Variants in ATP1B2 observed in about 807,000 individuals in gnomAD.
ATP1B2 encodes the protein ATPase Na+/K+ transporting subunit beta 2, also known as sodium/potassium-transporting ATPase subunit beta-2.
A neutral mutation model predicts 37.3 loss-of-function variants in ATP1B2; 12 were observed. That is an observed-to-expected ratio of 0.32 (90% CI 0.21 to 0.52). ATP1B2 has a LOEUF of 0.52. ATP1B2 is among the 20% of genes least tolerant of loss of function. The pLI is 0.96. For missense variants in ATP1B2, 324 were observed against 391.6 expected (o/e 0.83, Z 1.46); for synonymous variants, 139 against 140.5 (o/e 0.99, Z 0.07).
chr17:7,646,796 C>T (rs2150975782), upstream of ATP1B2: 1 of 152,292 alleles, frequency 6.6e-6, no homozygotes, highest in Non-Finnish European at 1.5e-5. Context: ...CTGCAAGGAA[C>T]CTCAACAACA....
Position 7,654,270 on chromosome 17 carries a change from T to G in ATP1B2, c.552+13T>G. 6.2e-7 allele frequency: 1 copy of G among 1,613,482 alleles called. No individual in the cohort carries two copies. Among genetic ancestry groups the G allele is most frequent in the Non-Finnish European group, 8.5e-7 (1 of 1,179,670 alleles). On this transcript the variant is annotated intron_variant, in intron 4 of 6. Coordinates refer to ENST00000250111, the MANE Select transcript of ATP1B2 (RefSeq NM_001678.5). This position sits in a 1 kb window ranked among gnomAD's most constrained non-coding sequence, Gnocchi z 4.9. ...CAAGATGAACCGGGTATCTATGACC[T>G]TGGTCCCCAGGGTGAATGGAGGAAG...
chr17:7,651,643 G>A lies in ATP1B2; in HGVS notation c.112+13G>A, dbSNP rs756807689. The A allele has an allele frequency of 1.9e-6, 3 of 1,579,278 alleles. No homozygotes were observed. The highest frequency in any genetic ancestry group is 2.6e-6 in the Non-Finnish European group (3 of 1,164,102). On this transcript the variant is annotated intron_variant, in intron 1 of 6. Coordinates refer to ENST00000250111, the MANE Select transcript of ATP1B2 (RefSeq NM_001678.5). Reference sequence around the variant, plus strand: ...GGGACCAGCTGGGGTACGCAGGGCCGGCACGCAAGGGGCGGGGGAAAGCCG... The same window carrying A: ...GGGACCAGCTGGGGTACGCAGGGCCAGCACGCAAGGGGCGGGGGAAAGCCG...
In ATP1B2 at chr17:7,654,264, A is replaced by G; in HGVS notation, c.552+7A>G. The G allele has an allele frequency of 6.2e-7, 1 of 1,613,794 alleles. No homozygotes were observed. Among genetic ancestry groups the G allele is most frequent in the Non-Finnish European group, 8.5e-7 (1 of 1,179,838 alleles). ...CTTCATCAAGATGAACCGGGTATCT[A>G]TGACCTTGGTCCCCAGGGTGAATGG... On this transcript the variant is annotated splice_region_variant and intron_variant, in intron 4 of 6. Transcript: ENST00000250111. The surrounding 1 kb of genome is among the most constrained non-coding windows in gnomAD (Gnocchi z 4.9).
upstream of ATP1B2, among the ~76,000 whole-genome samples, chr17:7,647,085 A>G (rs2072579683): frequency 1.4e-5 from 2 of 138,556 alleles, no homozygotes; most frequent in Admixed American, 1.5e-4. Flanking sequence ...AGGTGACAGA[A>G]TAAGAGACTA....
At position 7,653,896 on chromosome 17, in the gene ATP1B2, C is replaced by T. The variant is rs774891247; in HGVS notation, c.297C>T (p.Asp99=). The T allele has an allele frequency of 5.6e-6, 9 of 1,614,030 alleles. No homozygotes were observed. The East Asian group carries it at 2.0e-4, about 36-fold the overall frequency. ...ENLDVIVNVS[D]TESWDQHVQK... Reference sequence around the variant, plus strand: ...TTGATGTCATTGTCAATGTCAGTGACACTGAAAGCTGGGACCAGCATGTTC... The same window carrying T: ...TTGATGTCATTGTCAATGTCAGTGATACTGAAAGCTGGGACCAGCATGTTC... Residue 99 remains aspartate (D), a synonymous_variant, in exon 3 of 7, where the codon GAC becomes GAT. Coordinates refer to ENST00000250111, the MANE Select transcript of ATP1B2 (RefSeq NM_001678.5).
At chr17:7,648,315 C>T (rs1274510436), upstream of ATP1B2, among the ~76,000 whole-genome samples, 1 of 151,952 alleles carries the variant, frequency 6.6e-6, no homozygotes, top group African/African-American at 2.4e-5. Flanking sequence ...CGGTTGTTCA[C>T]ACCTGTAATC....
At position 7,651,262 on chromosome 17, in the gene ATP1B2, C is replaced by A; in HGVS notation, c.-257C>A. On this transcript the variant is annotated 5_prime_UTR_variant, in exon 1 of 7. Coordinates refer to ENST00000250111, the MANE Select transcript of ATP1B2 (RefSeq NM_001678.5). ...CATACCCCTTCCTCTTGTTATTCTC[C>A]CCTGCTCTGACAGCACCCCTTTTCA... The A allele has an allele frequency of 2.0e-6, 1 of 502,698 alleles. No individual in the cohort carries two copies. The highest frequency in any genetic ancestry group is 3.6e-6 in the Non-Finnish European group (1 of 276,300). 31.1% of individuals were successfully genotyped at this position (502,698 alleles called of 1,614,324 possible).
At chr17:7,649,211 C>T (rs1051297244), upstream of ATP1B2, among the ~76,000 whole-genome samples, 76 of 152,000 alleles carry the variant, frequency 5.0e-4, no homozygotes, top group African/African-American at 1.8e-3. Flanking sequence ...CACCACCGCA[C>T]CCGGCTAATT....
At chr17:7,648,461 C>T (rs998616848), upstream of ATP1B2, among the ~76,000 whole-genome samples, 16 of 147,414 alleles carry the variant, frequency 1.1e-4, no homozygotes, top group Non-Finnish European at 1.9e-4. Flanking sequence ...CCCAGCTACC[C>T]GGGAGACTGA....
In ATP1B2 at chr17:7,654,016, A is replaced by G; in HGVS notation, c.347-36A>G. On this transcript the variant is annotated intron_variant, in intron 3 of 6. Coordinates refer to ENST00000250111, the MANE Select transcript of ATP1B2 (RefSeq NM_001678.5). This position sits in a 1 kb window ranked among gnomAD's most constrained non-coding sequence, Gnocchi z 4.9. ...GGACTGGGGACCTTGGAAGTGGAAC[A>G]TCTGGCCCCTGAGTCTCTCCCTCCC... 2 of 1,610,008 alleles carry G rather than the reference A, an allele frequency of 1.2e-6. No individual in the cohort carries two copies. The highest frequency in any genetic ancestry group is 1.7e-6 in the Non-Finnish European group (2 of 1,176,678).
rs769324953 is a variant in ATP1B2, at chr17:7,655,952, C to G, written c.*57C>G. The G allele has an allele frequency of 4.9e-5, 78 of 1,593,926 alleles. No individual in the cohort carries two copies. The highest frequency in any genetic ancestry group is 6.3e-5 in the Non-Finnish European group (73 of 1,167,140). Reference sequence around the variant, plus strand: ...TGGATGCTCCTGGAATGTCCCTGACCCTGCCTGATCCCTCCCTCACCCACC... The same window carrying G: ...TGGATGCTCCTGGAATGTCCCTGACGCTGCCTGATCCCTCCCTCACCCACC... On this transcript the variant is annotated 3_prime_UTR_variant, in exon 7 of 7. Transcript: ENST00000250111. This position sits in a 1 kb window ranked among gnomAD's most constrained non-coding sequence, Gnocchi z 4.4.
chr17:7,650,082 C>A (rs958451594), upstream of ATP1B2, among the ~76,000 whole-genome samples: 3 of 152,170 alleles, frequency 2.0e-5, no homozygotes, highest in Non-Finnish European at 4.4e-5. Flanking sequence ...TTCAGTGTAA[C>A]CTCTCTGGCC....
chr17:7,649,545 G>A (rs2072596161), upstream of ATP1B2, among the ~76,000 whole-genome samples: 1 of 149,604 alleles, frequency 6.7e-6, no homozygotes, highest in Non-Finnish European at 1.5e-5. Context: ...CCACCACCAT[G>A]CCCAGCTAAT....
At chr17:7,646,895 T>C (rs2072578913), upstream of ATP1B2, among the ~76,000 whole-genome samples, 1 of 152,020 alleles carries the variant, frequency 6.6e-6, no homozygotes, top group South Asian at 2.1e-4. Flanking sequence ...CTTGGCAATA[T>C]GGCGAGACCC....
intron 1 of ATP1B2, among the ~76,000 whole-genome samples, 187 bp downstream of exon 1, chr17:7,651,817 AG>A (rs1377390638): frequency 6.6e-6 from 1 of 151,862 alleles, no homozygotes; most frequent in Admixed American, 6.6e-5. Flanking sequence ...GCGGAGGCGG[AG>A]AAAGTAGGTC....
rs372597402 is a variant in ATP1B2, at chr17:7,653,397, G to A, written c.136G>A (p.Val46Ile). The change falls in exon 2 of 7, where the codon GTT becomes ATT. Residue 46 changes from valine (V) to isoleucine (I), a missense_variant. Coordinates refer to ENST00000250111, the MANE Select transcript of ATP1B2 (RefSeq NM_001678.5). Reference protein sequence around the residue: ...SWAFILLFYLVFYGFLTAMFT... With the variant: ...SWAFILLFYLIFYGFLTAMFT... ...AGCCTTTATCCTCCTCTTCTACCTCGTTTTTTATGGGTTCCTCACCGCCAT... is the reference window on the plus strand; with the variant it reads ...AGCCTTTATCCTCCTCTTCTACCTCATTTTTTATGGGTTCCTCACCGCCAT... 57 of 1,613,882 alleles carry A rather than the reference G, an allele frequency of 3.5e-5. No individual in the cohort carries two copies. Among genetic ancestry groups the A allele is most frequent in the South Asian group, 6.6e-5 (6 of 91,078 alleles).
rs1163012357 is a variant in ATP1B2, at chr17:7,654,727, C to T, written c.609+43C>T. 1 of 1,590,468 alleles carries T rather than the reference C, an allele frequency of 6.3e-7. No individual in the cohort carries two copies. The highest frequency in any genetic ancestry group is 1.7e-5 in the Admixed American group (1 of 59,956). The stretch of plus-strand genomic sequence containing the variant: ...TGTCTGCCTGCTCACCTGAGTGGCT[C>T]ACCTGAGTGTCCTTCATGGTTTCTG... On this transcript the variant is annotated intron_variant, in intron 5 of 6. Coordinates refer to ENST00000250111, the MANE Select transcript of ATP1B2 (RefSeq NM_001678.5). The surrounding 1 kb of genome is among the most constrained non-coding windows in gnomAD (Gnocchi z 4.9).
In ATP1B2 at chr17:7,655,712, C is replaced by T; in HGVS notation, c.709-19C>T. 6.2e-7 allele frequency: 1 copy of T among 1,614,046 alleles called. No individual in the cohort carries two copies. The highest frequency in any genetic ancestry group is 8.5e-7 in the Non-Finnish European group (1 of 1,179,966). On this transcript the variant is annotated intron_variant, in intron 6 of 6. Transcript: ENST00000250111. The surrounding 1 kb of genome is among the most constrained non-coding windows in gnomAD (Gnocchi z 4.4). ...CGCGTTGCCCCAGGCCTAGACCCTG[C>T]ACTGCTCCTCCGGCCCAGGTGAACT...
rs2072636517 is a variant in ATP1B2, at chr17:7,654,506, G to A, written c.553-122G>A. ...GCTGGCCTTGAACTCCTGGAATTAA[G>A]CTATCCTCCCGCCTCAACCTCCCTA... On this transcript the variant is annotated intron_variant, in intron 4 of 6. Coordinates refer to ENST00000250111, the MANE Select transcript of ATP1B2 (RefSeq NM_001678.5). The surrounding 1 kb of genome is among the most constrained non-coding windows in gnomAD (Gnocchi z 4.9). 2 of 1,154,642 alleles carry A rather than the reference G, an allele frequency of 1.7e-6. No individual in the cohort carries two copies. Among genetic ancestry groups the A allele is most frequent in the South Asian group, 2.6e-5 (2 of 77,018 alleles). The allele number at this position is 1,154,642 out of a possible 1,614,324, so 71.5% of individuals were successfully genotyped here.
Sources: gnomAD v4.1 joint callset for allele counts (sites outside exome capture counted in the v4.1 genomes callset) on GRCh38, gnomAD v4.1.1 for gene constraint, Gnocchi (gnomAD v3.1) non-coding constraint, MANE v1.5 for transcripts, NCBI Gene and HGNC (gene_info 2026-07-23, HGNC 2026-07-21) for gene names.